The following LIPC variants were observed in gnomAD, a reference collection of about 807,000 sequenced individuals.
LIPC encodes the protein lipase C, hepatic type.
Under a neutral mutation model 50.7 loss-of-function variants are expected in LIPC, and 44 were observed. That is an observed-to-expected ratio of 0.87 (90% CI 0.68 to 1.11). The LOEUF is 1.11. LIPC is among the 50% of genes most tolerant of loss of function. The pLI, the probability that LIPC is intolerant of heterozygous loss-of-function variation, is 0.00. For missense variants in LIPC, 697 were observed against 648.2 expected (o/e 1.08, Z -0.82); for synonymous variants, 271 against 256.4 (o/e 1.06, Z -0.54).
intron 1 of LIPC, among the ~76,000 whole-genome samples, chr15:58,472,916 C>T (rs553256577): frequency 1.2e-4 from 19 of 152,260 alleles, no homozygotes; most frequent in African/African-American, 4.3e-4. Flanking sequence ...TGTCTGACTA[C>T]GGCTGTTACT....
At chr15:58,480,849 C>G (rs1341767112) in intron 1 of LIPC, among the ~76,000 whole-genome samples, 1 of 152,124 alleles carries the variant, frequency 6.6e-6, no homozygotes, top group Non-Finnish European at 1.5e-5. Flanking sequence ...GAACTTGGGA[C>G]TCATGGCCTT....
chr15:58,568,438 T>G (rs150184166), intron 8 of LIPC, among the ~76,000 whole-genome samples: 3 of 152,212 alleles, frequency 2.0e-5, no homozygotes, highest in Non-Finnish European at 4.4e-5. Flanking sequence ...TGAGCTGTCA[T>G]AGGGGAGAAC....
At chr15:58,560,753 C>A in intron 6 of LIPC, 111 bp from the exon 7 acceptor site, 1 of 662,560 alleles carries the variant, frequency 1.5e-6, no homozygotes, top group Non-Finnish European at 2.7e-6. Flanking sequence ...ATATTAATAT[C>A]TATCCAAACT....
chr15:58,556,488 G>A (rs1259872741), intron 6 of LIPC, among the ~76,000 whole-genome samples: 1 of 152,144 alleles, frequency 6.6e-6, no homozygotes, highest in Admixed American at 6.5e-5. Flanking sequence ...TGTGAAACTT[G>A]CAGAAGAACA....
Position 58,569,547 on chromosome 15 carries a change from T to C in LIPC, c.*720T>C, listed in dbSNP as rs1368408289. 1 of 152,214 alleles carries C rather than the reference T, an allele frequency of 6.6e-6. No homozygotes were observed. Among genetic ancestry groups the C allele is most frequent in the East Asian group, 1.9e-4 (1 of 5,202 alleles). 9.4% of individuals were successfully genotyped at this position (152,214 alleles called of 1,614,324 possible). ...CAAAGCATTTGCTATGGACTGAATG[T>C]TTGAGTCACCCCAAAATTCATATGC... On this transcript the variant is annotated 3_prime_UTR_variant, in exon 9 of 9. Coordinates refer to ENST00000299022, the MANE Select transcript of LIPC (RefSeq NM_000236.3).
At chr15:58,564,500 G>A (rs1417171549) in intron 8 of LIPC, among the ~76,000 whole-genome samples, 1 of 151,878 alleles carries the variant, frequency 6.6e-6, no homozygotes, top group African/African-American at 2.4e-5. Flanking sequence ...GGCCTTGGCG[G>A]GCGGATCACC....
At chr15:58,490,057 T>C (rs1891533017) in intron 1 of LIPC, among the ~76,000 whole-genome samples, 1 of 152,162 alleles carries the variant, frequency 6.6e-6, no homozygotes, top group South Asian at 2.1e-4. Flanking sequence ...TTCTTTGCAA[T>C]ACTTAATTTT....
chr15:58,525,495 G>T (rs574164109), intron 1 of LIPC, among the ~76,000 whole-genome samples: 3 of 152,308 alleles, frequency 2.0e-5, no homozygotes, highest in South Asian at 2.1e-4. Context: ...CTCCTACAAG[G>T]AGGCCAATAT....
chr15:58,520,453 A>G (rs1179938002), intron 1 of LIPC, among the ~76,000 whole-genome samples: 1 of 152,062 alleles, frequency 6.6e-6, no homozygotes, highest in Non-Finnish European at 1.5e-5. Context: ...TCTCCCCTAC[A>G]CATAAAGCCT....
rs372054789 is a variant in LIPC, at chr15:58,541,915, G to A, written c.404G>A (p.Arg135His). Residue 135 changes from arginine (R) to histidine (H), a missense_variant, in exon 3 of 9, where the codon CGC becomes CAC. Arg to His is a conservative substitution (Grantham distance 29). Transcript: ENST00000299022. ...CACGACCACTACACCATCGCCGTCCGCAACACCCGCCTTGTGGGCAAGGAG... is the reference window on the plus strand; with the variant it reads ...CACGACCACTACACCATCGCCGTCCACAACACCCGCCTTGTGGGCAAGGAG... ...LAHDHYTIAV[R>H]NTRLVGKEVA... The A allele has an allele frequency of 2.4e-5, 39 of 1,611,428 alleles. No individual in the cohort carries two copies. The highest frequency in any genetic ancestry group is 3.3e-4 in the Middle Eastern group (2 of 6,076).
intron 1 of LIPC, among the ~76,000 whole-genome samples, chr15:58,497,021 G>C (rs1212000023): frequency 6.6e-6 from 1 of 152,174 alleles, no homozygotes; most frequent in Non-Finnish European, 1.5e-5. Context: ...ACATGATGAA[G>C]TCCGTGAGGT....
intron 1 of LIPC, chr15:58,454,521 G>A: frequency 6.6e-6 from 1 of 152,258 alleles, no homozygotes; most frequent in Admixed American, 6.5e-5. Context: ...ATGGGGTCAG[G>A]AAGCCATCTG....
intron 1 of LIPC, chr15:58,497,609 C>A (rs148064607): frequency 6.6e-6 from 1 of 152,488 alleles, no homozygotes; most frequent in African/African-American, 2.4e-5. Context: ...CCCTTCCTGT[C>A]TCTACTGGTA....
intron 2 of LIPC, among the ~76,000 whole-genome samples, chr15:58,538,803 C>G (rs1893229417): frequency 6.6e-6 from 1 of 152,164 alleles, no homozygotes; most frequent in Admixed American, 6.5e-5. Context: ...GGATTGCAGT[C>G]CGTGCAGGAA....
intron 1 of LIPC, among the ~76,000 whole-genome samples, chr15:58,474,529 AAAAG>A: frequency 6.6e-6 from 1 of 151,890 alleles, no homozygotes; most frequent in South Asian, 2.1e-4. Flanking sequence ...AAAAAAAAAA[AAAAG>A]AGGCTTTTCA....
At chr15:58,453,405 C>T (rs770962793) in intron 1 of LIPC, among the ~76,000 whole-genome samples, 2 of 152,238 alleles carry the variant, frequency 1.3e-5, no homozygotes, top group East Asian at 3.9e-4. Context: ...TGATTCTAAT[C>T]GGTCCCCCAA....
intron 1 of LIPC, among the ~76,000 whole-genome samples, chr15:58,535,592 C>T (rs1469415409): frequency 6.6e-6 from 1 of 152,164 alleles, no homozygotes. Flanking sequence ...CAGAATTGGT[C>T]CTATGAGGAC....
chr15:58,545,388 G>A (rs1893485775), intron 4 of LIPC, among the ~76,000 whole-genome samples: 1 of 152,168 alleles, frequency 6.6e-6, no homozygotes, highest in South Asian at 2.1e-4. Context: ...ACAGGCACAG[G>A]CCACCACATC....
At chr15:58,512,119 A>G (rs767889215) in intron 1 of LIPC, among the ~76,000 whole-genome samples, 7 of 147,854 alleles carry the variant, frequency 4.7e-5, no homozygotes, top group Non-Finnish European at 1.0e-4. Flanking sequence ...TTTTTTTGAG[A>G]CGGAGTCTCA....
Sources: gnomAD v4.1 joint callset for allele counts (sites outside exome capture counted in the v4.1 genomes callset) on GRCh38, gnomAD v4.1.1 for gene constraint, MANE v1.5 for transcripts, NCBI Gene and HGNC (gene_info 2026-07-23, HGNC 2026-07-21) for gene names.